Variants in TSPAN11 observed in about 807,000 individuals in gnomAD.
TSPAN11 encodes the protein tetraspanin 11.
In TSPAN11, 29 loss-of-function variants were observed where a neutral mutation model predicts 32.9. The observed-to-expected ratio is 0.88, with a 90% confidence interval of 0.66 to 1.20. The LOEUF (loss-of-function observed/expected upper bound fraction) is 1.20. Among genes scored for constraint, TSPAN11 ranks in the 50% most tolerant of loss-of-function variants. The pLI, the probability that TSPAN11 is intolerant of heterozygous loss-of-function variation, is 0.00. For synonymous variants in TSPAN11, 140 were observed against 141.3 expected (o/e 0.99, Z 0.07); for missense variants, 283 against 329.1 (o/e 0.86, Z 1.08).
chr12:30,968,750 TAAG>T (rs1391090485), intron 3 of TSPAN11, among the ~76,000 whole-genome samples: 1 of 152,146 alleles, frequency 6.6e-6, no homozygotes, highest in Non-Finnish European at 1.5e-5. Context: ...GATAAAAAAG[TAAG>T]AAGTTCTAAA....
At chr12:30,988,868 A>G (rs958538511) in intron 7 of TSPAN11, among the ~76,000 whole-genome samples, 2 of 152,210 alleles carry the variant, frequency 1.3e-5, no homozygotes, top group Non-Finnish European at 1.5e-5. Context: ...CCTCTGCACC[A>G]GCTTCCCCTC....
chr12:30,969,076 C>T lies in TSPAN11; in HGVS notation c.276+5059C>T, dbSNP rs1440455024. ...TAAAAATGTGGCTCTAATGAACATTCACATCACTATTGCCGTCACCATGAC... is the reference window on the plus strand; with the variant it reads ...TAAAAATGTGGCTCTAATGAACATTTACATCACTATTGCCGTCACCATGAC... On this transcript the variant is annotated intron_variant, in intron 3 of 7. Transcript: ENST00000546076. Among the ~76,000 whole-genome samples the T allele has an allele frequency of 9.8e-5, 15 of 152,326 alleles. 1 individual carries two copies. The highest frequency in any genetic ancestry group is 1.5e-5 in the Non-Finnish European group (1 of 68,034).
intron 3 of TSPAN11, among the ~76,000 whole-genome samples, chr12:30,970,359 G>T (rs1398582751): frequency 6.6e-6 from 1 of 152,090 alleles, no homozygotes; most frequent in African/African-American, 2.4e-5. Flanking sequence ...CCTGTCTTTG[G>T]CTTGGAGTTC....
At chr12:31,013,500 T>A in the TSPAN11 span, among the ~76,000 whole-genome samples, 4 of 151,994 alleles carry the variant, frequency 2.6e-5, no homozygotes, top group African/African-American at 9.7e-5. Context: ...GAGAGGATCA[T>A]CTGAGCCCCA....
At chr12:30,960,881 A>T (rs573635944) in intron 2 of TSPAN11, among the ~76,000 whole-genome samples, 1 of 151,986 alleles carries the variant, frequency 6.6e-6, no homozygotes, top group South Asian at 2.1e-4. Flanking sequence ...TCTACTAAGG[A>T]TACAAAAATT....
intron 1 of TSPAN11, among the ~76,000 whole-genome samples, chr12:30,949,680 C>G (rs961233502): frequency 2.6e-5 from 4 of 152,120 alleles, no homozygotes; most frequent in African/African-American, 9.7e-5. Flanking sequence ...CAAACCATAT[C>G]AGCTTCCTTT....
At chr12:30,987,603 A>C (rs1939225295) in intron 7 of TSPAN11, among the ~76,000 whole-genome samples, 1 of 152,146 alleles carries the variant, frequency 6.6e-6, no homozygotes, top group Admixed American at 6.5e-5. Context: ...ACTCCGTCTC[A>C]AAGAAAAAAA....
intron 1 of TSPAN11, among the ~76,000 whole-genome samples, chr12:30,930,347 G>A (rs1234880339): frequency 6.6e-6 from 1 of 152,172 alleles, no homozygotes; most frequent in Non-Finnish European, 1.5e-5. Flanking sequence ...GAAGGGATGA[G>A]AAAACAGCTG....
the TSPAN11 span, among the ~76,000 whole-genome samples, chr12:31,016,246 A>G: frequency 6.6e-6 from 1 of 152,122 alleles, no homozygotes; most frequent in Non-Finnish European, 1.5e-5. Flanking sequence ...AGGGATGGGG[A>G]CGCAAGGCGG....
rs1362752917 is a variant in TSPAN11, at chr12:30,985,192, A to G, written c.702+2042A>G. ...TTGGTTCTGCCATCTACAGCTGTGG[A>G]CCTAGGGCCAGTTCTTTCATCTCTG... is the stretch of plus-strand genomic sequence containing the variant. On this transcript the variant is annotated intron_variant, in intron 7 of 7. Coordinates refer to ENST00000546076, the MANE Select transcript of TSPAN11 (RefSeq NM_001370302.1). Among the ~76,000 whole-genome samples the G allele has an allele frequency of 2.0e-5, 3 of 151,918 alleles. No homozygotes were observed. In the East Asian group the frequency reaches 5.8e-4, roughly 30 times the overall value.
intron 2 of TSPAN11, among the ~76,000 whole-genome samples, chr12:30,960,805 G>A (rs1214247804): frequency 1.3e-5 from 2 of 151,848 alleles, no homozygotes; most frequent in South Asian, 2.1e-4. Context: ...TTGGGAGGCC[G>A]AGGCAGGTGG....
intron 3 of TSPAN11, among the ~76,000 whole-genome samples, chr12:30,970,427 T>C (rs1379186635): frequency 6.6e-6 from 1 of 152,160 alleles, no homozygotes; most frequent in Non-Finnish European, 1.5e-5. Context: ...CACAGTGTGA[T>C]CTCCTTAGAC....
chr12:30,931,829 G>A (rs534477855), intron 1 of TSPAN11, among the ~76,000 whole-genome samples: 9 of 130,892 alleles, frequency 6.9e-5, no homozygotes, highest in East Asian at 2.7e-4. Flanking sequence ...GCAGTGAGCC[G>A]AGATCGCACC....
At chr12:30,935,534 C>T (rs1938028274) in intron 1 of TSPAN11, among the ~76,000 whole-genome samples, 1 of 152,076 alleles carries the variant, frequency 6.6e-6, no homozygotes, top group Non-Finnish European at 1.5e-5. Flanking sequence ...CAGGCACCCA[C>T]CAACATGCCC....
chr12:30,972,357 C>T (rs1000785124), intron 3 of TSPAN11, among the ~76,000 whole-genome samples: 1 of 152,068 alleles, frequency 6.6e-6, no homozygotes, highest in Non-Finnish European at 1.5e-5. Context: ...AGGGAGGCCC[C>T]AGAGTCAGGG....
At chr12:30,932,597 A>C (rs1192526315) in intron 1 of TSPAN11, among the ~76,000 whole-genome samples, 1 of 152,170 alleles carries the variant, frequency 6.6e-6, no homozygotes. Context: ...GTGCCTACCC[A>C]AAAAAGAAGG....
At chr12:30,962,705 G>GC (rs1354866608) in intron 2 of TSPAN11, among the ~76,000 whole-genome samples, 2 of 152,102 alleles carry the variant, frequency 1.3e-5, no homozygotes, top group African/African-American at 4.8e-5. Context: ...CTTTGACCAC[G>GC]CCCAGGACTC....
At chr12:30,953,932 AG>A (rs1288149106) in intron 1 of TSPAN11, 48 bp from the exon 2 acceptor site, 4 of 1,403,726 alleles carry the variant, frequency 2.8e-6, no homozygotes, top group Non-Finnish European at 4.0e-6. Context: ...GGGAAGGACA[AG>A]GTGGTTCTCG....
At chr12:30,934,505 G>A (rs925523231) in intron 1 of TSPAN11, among the ~76,000 whole-genome samples, 7 of 152,140 alleles carry the variant, frequency 4.6e-5, no homozygotes, top group Non-Finnish European at 1.0e-4. Context: ...CAACAAAAGA[G>A]GTCCTGCTCT....
Sources: allele counts gnomAD v4.1 joint callset (sites outside exome capture counted in the v4.1 genomes callset), GRCh38; gene constraint gnomAD v4.1.1; transcripts MANE v1.5; gene names NCBI Gene and HGNC (gene_info 2026-07-23, HGNC 2026-07-21).